The following XIRP2 variants were observed in gnomAD, a reference collection of about 807,000 sequenced individuals.
XIRP2 encodes the protein xin actin-binding repeat-containing protein 2.
In XIRP2, 236 loss-of-function variants were observed where a neutral mutation model predicts 277.0. The ratio of observed to expected loss-of-function variants is 0.85; its 90% confidence interval spans 0.77 to 0.95. The LOEUF (loss-of-function observed/expected upper bound fraction) is 0.95, where lower values mean the gene tolerates loss of function less well. XIRP2 is among the 40% of genes least tolerant of loss of function. The pLI, the probability that XIRP2 is intolerant of heterozygous loss-of-function variation, is 0.00. For synonymous variants in XIRP2, 1,490 were observed against 1,416.5 expected, an observed-to-expected ratio of 1.05 and a Z score of -1.17; for missense variants, 4,640 against 4,157.5, an observed-to-expected ratio of 1.12 and a Z score of -3.19.
At chr2:167,151,807 A>C (rs1196079826) in intron 3 of XIRP2, among the ~76,000 whole-genome samples, 1 of 152,116 alleles carries the variant, frequency 6.6e-6, no homozygotes, top group Non-Finnish European at 1.5e-5. Context: ...AAGGAGAAAA[A>C]CTAGGTGCAT....
At chr2:167,093,443 T>G (rs1690206347) in intron 2 of XIRP2, among the ~76,000 whole-genome samples, 1 of 152,010 alleles carries the variant, frequency 6.6e-6, no homozygotes, top group East Asian at 1.9e-4. Flanking sequence ...CATTAGGTAT[T>G]TCTCCTAATG....
intron 3 of XIRP2, among the ~76,000 whole-genome samples, chr2:167,195,959 A>G (rs886719145): frequency 1.3e-5 from 2 of 152,074 alleles, no homozygotes; most frequent in Non-Finnish European, 2.9e-5. Flanking sequence ...TCTGCCCCCA[A>G]TTCTGGCTAA....
At chr2:167,056,318 A>G (rs1280376459) in intron 2 of XIRP2, among the ~76,000 whole-genome samples, 1 of 152,176 alleles carries the variant, frequency 6.6e-6, no homozygotes, top group East Asian at 1.9e-4. Context: ...TTACTTTTTT[A>G]CAGATACATT....
At chr2:166,903,007 T>A in intron 1 of XIRP2, among the ~76,000 whole-genome samples, 1 of 152,134 alleles carries the variant, frequency 6.6e-6, no homozygotes, top group Non-Finnish European at 1.5e-5. Flanking sequence ...AGTAAGACTT[T>A]AACAGAAACC....
intron 2 of XIRP2, among the ~76,000 whole-genome samples, chr2:167,058,235 G>A (rs986376709): frequency 6.6e-6 from 1 of 151,372 alleles, no homozygotes. Context: ...GCTAATTTTT[G>A]TGTGTGTTTT....
chr2:166,983,551 A>C (rs1409440654), intron 2 of XIRP2, among the ~76,000 whole-genome samples: 1 of 152,114 alleles, frequency 6.6e-6, no homozygotes, highest in African/African-American at 2.4e-5. Context: ...TCTTCTTCTG[A>C]AAAGTGTTCA....
At chr2:166,915,298 T>TAAAAA (rs1684836222) in intron 2 of XIRP2, among the ~76,000 whole-genome samples, 1 of 47,638 alleles carries the variant, frequency 2.1e-5, no homozygotes, top group Non-Finnish European at 3.5e-5. Context: ...AGACTCCGTC[T>TAAAAA]CAAAAAAAAA....
In XIRP2 at chr2:167,135,986, A is replaced by T. The variant is rs770035004; in HGVS notation, c.486A>T (p.Lys162Asn). 6.2e-7 allele frequency: 1 copy of T among 1,612,490 alleles called. No individual in the cohort carries two copies. Among genetic ancestry groups the T allele is most frequent in the South Asian group, 1.1e-5 (1 of 90,922 alleles). ...GGAGCCAGCTGGAGGATTCTGTGAA[A>T]GATTCAGACAAGAAAGGCAAGGAAA... The part of the protein sequence containing the change: ...HPGSQLEDSV[K>N]DSDKKGKETS... The change falls in exon 3 of 11, where the codon AAA (lysine) becomes AAT (asparagine). Residue 162 changes from lysine to asparagine, a missense_variant. Physicochemically the swap from Lys to Asn is moderately conservative, Grantham distance 94. Transcript: ENST00000409195.
intron 2 of XIRP2, among the ~76,000 whole-genome samples, chr2:167,120,073 C>A (rs998907552): frequency 3.4e-4 from 51 of 152,016 alleles, no homozygotes; most frequent in Admixed American, 3.0e-3. Flanking sequence ...AGCCTTTAAA[C>A]GATTTTACCT....
At chr2:167,085,941 C>T (rs1447485906) in intron 2 of XIRP2, among the ~76,000 whole-genome samples, 6 of 152,128 alleles carry the variant, frequency 3.9e-5, no homozygotes, top group African/African-American at 7.2e-5. Flanking sequence ...AGCCCATTTA[C>T]ATTTAAAGTT....
At chr2:167,058,525 T>C (rs572040482) in intron 2 of XIRP2, among the ~76,000 whole-genome samples, 28 of 152,352 alleles carry the variant, frequency 1.8e-4, no homozygotes, top group Admixed American at 1.0e-3. Context: ...CTAGGGTCAC[T>C]CCTGTGTCTG....
chr2:167,057,255 T>C (rs1689061314), intron 2 of XIRP2, among the ~76,000 whole-genome samples: 1 of 152,150 alleles, frequency 6.6e-6, no homozygotes, highest in Admixed American at 6.6e-5. Context: ...AGCAACACTC[T>C]GACATTCCAA....
intron 1 of XIRP2, chr2:166,889,757 A>G (rs992806550): frequency 1.4e-5 from 2 of 147,588 alleles, no homozygotes; most frequent in African/African-American, 4.9e-5. Flanking sequence ...GATGTTGATG[A>G]GTCCTTCCAT....
intron 2 of XIRP2, among the ~76,000 whole-genome samples, chr2:167,086,035 T>C (rs1286470398): frequency 2.0e-5 from 3 of 152,156 alleles, no homozygotes; most frequent in African/African-American, 4.8e-5. Context: ...TTCTTCCTAG[T>C]CTCGATGGTC....
intron 2 of XIRP2, among the ~76,000 whole-genome samples, chr2:167,028,990 A>G (rs1679617566): frequency 6.6e-6 from 1 of 151,882 alleles, no homozygotes; most frequent in African/African-American, 2.4e-5. Flanking sequence ...GAGCTTAAAG[A>G]TAGGCTCTTT....
At chr2:167,091,779 G>A (rs1690155394) in intron 2 of XIRP2, among the ~76,000 whole-genome samples, 1 of 152,146 alleles carries the variant, frequency 6.6e-6, no homozygotes, top group African/African-American at 2.4e-5. Context: ...ATGGAAGGCT[G>A]CTATAGGTAT....
rs986454120 is a variant in XIRP2, at chr2:167,246,091, G to C, written c.4699G>C (p.Ala1567Pro). Reference sequence around the variant, plus strand: ...TCTCTACTCTCAAAAAGTTATCCAGGCTCCTGGAATCATCATTGAAGCTGA... The same window carrying C: ...TCTCTACTCTCAAAAAGTTATCCAGCCTCCTGGAATCATCATTGAAGCTGA... ...EDLYSQKVIQAPGIIIEADEI... is the reference protein window; with the variant it reads ...EDLYSQKVIQPPGIIIEADEI... Residue 1567 changes from alanine to proline, a missense_variant, in exon 9 of 11, where the codon GCT becomes CCT. Ala to Pro is a conservative substitution (Grantham distance 27). Coordinates refer to ENST00000409195, the MANE Select transcript of XIRP2 (RefSeq NM_152381.6). 1.2e-6 allele frequency: 2 copies of C among 1,613,584 alleles called. No homozygotes were observed. Among genetic ancestry groups the C allele is most frequent in the Non-Finnish European group, 1.7e-6 (2 of 1,179,754 alleles).
chr2:166,907,375 T>G (rs962355513), intron 2 of XIRP2, among the ~76,000 whole-genome samples: 6 of 152,204 alleles, frequency 3.9e-5, no homozygotes, highest in Admixed American at 1.3e-4. Context: ...ATTTGCTGTG[T>G]AACAAACCAC....
At chr2:166,925,589 GTATATACATATA>G (rs1236618415) in intron 2 of XIRP2, among the ~76,000 whole-genome samples, 145 of 105,974 alleles carry the variant, frequency 1.4e-3, no homozygotes, top group African/African-American at 5.3e-3. Flanking sequence ...GTGTGTATGT[GTATATACATATA>G]TATATATATA....
Sources: allele counts gnomAD v4.1 joint callset (sites outside exome capture counted in the v4.1 genomes callset), GRCh38; gene constraint gnomAD v4.1.1; transcripts MANE v1.5; gene names NCBI Gene and HGNC (gene_info 2026-07-23, HGNC 2026-07-21).